The following RIMBP2 variants were observed in gnomAD, a reference collection of about 807,000 sequenced individuals.
RIMBP2 encodes RIMS binding protein 2, also known as RIMS-binding protein 2.
A neutral mutation model predicts 118.6 loss-of-function variants in RIMBP2; 48 were observed. The observed-to-expected ratio is 0.40, with a 90% confidence interval of 0.32 to 0.51. The LOEUF is 0.51. Ranked by LOEUF, RIMBP2 falls within the 20% of genes least tolerant of loss-of-function variation. RIMBP2 has a pLI of 0.41. For missense variants in RIMBP2, 1,551 were observed against 1,768.3 expected (o/e 0.88, Z 2.20); for synonymous variants, 762 against 742.9 (o/e 1.03, Z -0.42).
At chr12:130,531,635 G>T (rs1290781370) in intron 2 of RIMBP2, among the ~76,000 whole-genome samples, 1 of 152,194 alleles carries the variant, frequency 6.6e-6, no homozygotes, top group Non-Finnish European at 1.5e-5. Context: ...ACATTCTTGA[G>T]CACGTTTTCT....
At chr12:130,604,877 C>T (rs542723797) in intron 2 of RIMBP2, among the ~76,000 whole-genome samples, 8 of 151,506 alleles carry the variant, frequency 5.3e-5, no homozygotes, top group East Asian at 1.9e-4. Context: ...CCACCGCGCC[C>T]GGCCTCTTTC....
chr12:130,616,736 C>T (rs1193742349), intron 2 of RIMBP2, among the ~76,000 whole-genome samples: 1 of 152,182 alleles, frequency 6.6e-6, no homozygotes, highest in Admixed American at 6.5e-5. Context: ...ATGGGGTCAG[C>T]ACAGTGCTCT....
chr12:130,607,884 A>G (rs966036197), intron 2 of RIMBP2, among the ~76,000 whole-genome samples: 2 of 151,686 alleles, frequency 1.3e-5, no homozygotes, highest in African/African-American at 4.8e-5. Context: ...TGACTCCACC[A>G]AAAGGGGAGC....
intron 3 of RIMBP2, among the ~76,000 whole-genome samples, chr12:130,510,269 C>T (rs1024910706): frequency 3.9e-5 from 6 of 152,120 alleles, no homozygotes; most frequent in Non-Finnish European, 8.8e-5. Flanking sequence ...AAATTTAATA[C>T]GGTAGAGTGG....
At chr12:130,412,588 C>T in intron 19 of RIMBP2, 31 bp downstream of exon 19, 1 of 1,600,042 alleles carries the variant, frequency 6.2e-7, no homozygotes. Context: ...ATAAAATGCA[C>T]AGGGAAGGTC....
rs1279468689 is a variant in RIMBP2 at position 130,658,127 on chromosome 12, C to T, written c.-351-29671G>A. 3 of 152,424 alleles carry T rather than the reference C, an allele frequency of 2.0e-5. No homozygotes were observed. In the East Asian group the frequency reaches 5.8e-4, roughly 29 times the overall value. The allele number at this position is 152,424 out of a possible 1,614,324, so 9.4% of individuals were successfully genotyped here. A position where few individuals can be genotyped will look rare whatever the true frequency, so the allele number is the denominator to read the frequency against. ...ACGGCAGTAACCAACAATGAATGCC[C>T]CAGCTCAGGAGAGCAGCTTTGTGAC... On this transcript the variant is annotated intron_variant, in intron 1 of 22. Coordinates refer to ENST00000690449, the MANE Select transcript of RIMBP2 (RefSeq NM_001393629.1).
At chr12:130,630,810 G>T (rs963190876) in intron 1 of RIMBP2, among the ~76,000 whole-genome samples, 2 of 152,240 alleles carry the variant, frequency 1.3e-5, no homozygotes, top group Admixed American at 6.5e-5. Context: ...CCAACTTAAG[G>T]TTCTATACCC....
intron 2 of RIMBP2, among the ~76,000 whole-genome samples, chr12:130,588,600 G>A (rs1223209624): frequency 2.6e-5 from 4 of 152,192 alleles, no homozygotes; most frequent in Non-Finnish European, 4.4e-5. Flanking sequence ...GCACCCACCA[G>A]AGAGGTCCTC....
At chr12:130,527,049 C>G (rs189359258) in intron 2 of RIMBP2, among the ~76,000 whole-genome samples, 2 of 152,254 alleles carry the variant, frequency 1.3e-5, no homozygotes, top group East Asian at 3.9e-4. Flanking sequence ...TACTCCCGCC[C>G]GCCCCTTGAG....
chr12:130,484,474 T>C (rs529567745), intron 4 of RIMBP2, among the ~76,000 whole-genome samples: 2 of 152,302 alleles, frequency 1.3e-5, no homozygotes, highest in South Asian at 4.1e-4. Flanking sequence ...CTGCCTTATT[T>C]TCCTCCTGAG....
At chr12:130,628,930 T>C (rs1276099324) in intron 1 of RIMBP2, among the ~76,000 whole-genome samples, 3 of 152,160 alleles carry the variant, frequency 2.0e-5, no homozygotes, top group African/African-American at 7.2e-5. Flanking sequence ...ATAGGTCAAA[T>C]TAATTAATAA....
intron 21 of RIMBP2, among the ~76,000 whole-genome samples, chr12:130,403,403 C>G (rs1241931229): frequency 6.6e-6 from 1 of 152,078 alleles, no homozygotes; most frequent in African/African-American, 2.4e-5. Flanking sequence ...GAAGATAAAA[C>G]ATAACTGGGG....
At chr12:130,649,545 C>T (rs1037418831) in intron 1 of RIMBP2, among the ~76,000 whole-genome samples, 1 of 152,188 alleles carries the variant, frequency 6.6e-6, no homozygotes, top group African/African-American at 2.4e-5. Flanking sequence ...TTCCCACAGC[C>T]GTTCTGTGCA....
At chr12:130,402,418 C>T (rs2074706257) in intron 21 of RIMBP2, among the ~76,000 whole-genome samples, 1 of 152,122 alleles carries the variant, frequency 6.6e-6, no homozygotes, top group South Asian at 2.1e-4. Context: ...TTGAGTCTGC[C>T]TTCCCCTGGT....
chr12:130,705,081 C>A (rs2066036437), intron 1 of RIMBP2, among the ~76,000 whole-genome samples: 1 of 152,206 alleles, frequency 6.6e-6, no homozygotes, highest in South Asian at 2.1e-4. Context: ...AGGATCCCTG[C>A]CTCTGCCAGC....
rs1320427145 is a variant in RIMBP2 at position 130,606,941 on chromosome 12, C to G, written c.-217+21381G>C. ...CCGCCTCCCGGGTTCAAGCAATTCT[C>G]CTGCCTCAGCCTCCTGAGTAGCTGG... On this transcript the variant is annotated intron_variant, in intron 2 of 22. Coordinates refer to ENST00000690449, the MANE Select transcript of RIMBP2 (RefSeq NM_001393629.1). Among the ~76,000 whole-genome samples, 5 of 152,172 alleles carry G rather than the reference C, an allele frequency of 3.3e-5. No individual in the cohort carries two copies. The East Asian group carries it at 7.7e-4, about 23-fold the overall frequency.
intron 4 of RIMBP2, among the ~76,000 whole-genome samples, chr12:130,500,220 G>C (rs552902093): frequency 6.6e-6 from 1 of 152,330 alleles, no homozygotes; most frequent in South Asian, 2.1e-4. Flanking sequence ...AGCACTTTGG[G>C]AGGCTAAGAC....
At position 130,424,794 on chromosome 12, in the gene RIMBP2, G is replaced by A; in HGVS notation, c.2477C>T (p.Pro826Leu). The A allele has an allele frequency of 8.1e-7, 1 of 1,232,958 alleles. No individual in the cohort carries two copies. The highest frequency in any genetic ancestry group is 1.0e-6 in the Non-Finnish European group (1 of 988,648). The allele number at this position is 1,232,958 out of a possible 1,614,324, so 76.4% of individuals were successfully genotyped here. ...FWEQPEFPHQ[P>L]HRKRLFSIPE... Reference sequence around the variant, plus strand: ...GATACTGAAAAGTCTCTTCCTGTGGGGCTGGTGGGGAAACTCGGGCTGCTC... The same window carrying A: ...GATACTGAAAAGTCTCTTCCTGTGGAGCTGGTGGGGAAACTCGGGCTGCTC... Residue 826 changes from proline to leucine, a missense_variant, in exon 16 of 23, where the codon CCC (proline) becomes CTC (leucine). This residue lies in a region of RIMBP2 where 1,038 missense variants were observed against 1,125.1 expected (regional missense o/e 0.92). Coordinates refer to ENST00000690449, the MANE Select transcript of RIMBP2 (RefSeq NM_001393629.1). The surrounding 1 kb of genome is among the most constrained non-coding windows in gnomAD (Gnocchi z 9.8).
At chr12:130,542,169 T>C (rs2054681128) in intron 2 of RIMBP2, among the ~76,000 whole-genome samples, 1 of 152,158 alleles carries the variant, frequency 6.6e-6, no homozygotes, top group Non-Finnish European at 1.5e-5. Flanking sequence ...GGGGAAAGGA[T>C]GCTGGCTAGG....
Sources: gnomAD v4.1 joint callset for allele counts (sites outside exome capture counted in the v4.1 genomes callset) on GRCh38, gnomAD v4.1.1 for gene constraint, gnomAD v4.1.1 regional missense constraint, Gnocchi (gnomAD v3.1) non-coding constraint, MANE v1.5 for transcripts, NCBI Gene and HGNC (gene_info 2026-07-23, HGNC 2026-07-21) for gene names.